The following ERMP1 variants were observed in gnomAD, a reference collection of about 807,000 sequenced individuals.
The protein encoded by ERMP1 is endoplasmic reticulum metallopeptidase 1, also known as Felix-ina.
Under a neutral mutation model 92.0 loss-of-function variants are expected in ERMP1, and 86 were observed. The observed-to-expected ratio is 0.93, with a 90% CI of 0.79 to 1.12. The LOEUF (loss-of-function observed/expected upper bound fraction) is 1.12. Among genes scored for constraint, ERMP1 ranks in the 50% most tolerant of loss-of-function variants. The pLI, the probability that ERMP1 is intolerant of heterozygous loss-of-function variation, is 0.00. For synonymous variants in ERMP1, 530 were observed against 412.8 expected (o/e 1.28, Z -3.44); for missense variants, 1,342 against 1,116.3 (o/e 1.20, Z -2.88).
At chr9:5,808,938 C>T (rs1828976554) in intron 8 of ERMP1, among the ~76,000 whole-genome samples, 2 of 152,090 alleles carry the variant, frequency 1.3e-5, no homozygotes, top group African/African-American at 2.4e-5. Flanking sequence ...AGGGTTTCAC[C>T]ATGTTGCCCA....
Position 5,818,056 on chromosome 9 carries a change from C to G in ERMP1, c.875-5021G>C, listed in dbSNP as rs999673499. Among the ~76,000 whole-genome samples the G allele has an allele frequency of 2.6e-5, 4 of 151,666 alleles. No homozygotes were observed. The South Asian group carries it at 8.3e-4, about 32-fold the overall frequency. On this transcript the variant is annotated intron_variant, in intron 4 of 14. Transcript: ENST00000339450. ...GGTGGATCTATCGATTTTGGTGGAT[C>G]TCGGTATATCAAGGTGGATCACTTG...
At chr9:5,792,980 C>A (rs1462118142) in intron 13 of ERMP1, among the ~76,000 whole-genome samples, 1 of 152,024 alleles carries the variant, frequency 6.6e-6, no homozygotes, top group Non-Finnish European at 1.5e-5. Context: ...CTCATTTTTC[C>A]TATTCTTAAT....
At chr9:5,789,904 G>A (rs1014954) in intron 13 of ERMP1, among the ~76,000 whole-genome samples, 43,475 of 147,446 alleles carry the variant, frequency 0.29, 7,702 homozygotes, top group East Asian at 0.74. Context: ...GGCTGGTCTC[G>A]AGCTCCTGGG....
intron 13 of ERMP1, among the ~76,000 whole-genome samples, chr9:5,789,841 C>T (rs1828100281): frequency 1.5e-5 from 2 of 136,894 alleles, no homozygotes; most frequent in Non-Finnish European, 3.0e-5. Flanking sequence ...ATGCTACAAA[C>T]CTGGCCTTTT....
chr9:5,863,123 G>A (rs981778550), intron 5 of ERMP1, among the ~76,000 whole-genome samples: 2 of 152,174 alleles, frequency 1.3e-5, no homozygotes, highest in African/African-American at 4.8e-5. Context: ...TCTTCATAGG[G>A]AAAGGACAAA....
In ERMP1 at chr9:5,844,629, T is replaced by C. The variant is rs188037058; in HGVS notation, n.3200-11317A>G. Among the ~76,000 whole-genome samples, 751 of 152,294 alleles carry C rather than the reference T, an allele frequency of 4.9e-3. 1 individual carries two copies. Among genetic ancestry groups the C allele is most frequent in the Non-Finnish European group, 6.5e-3 (444 of 68,026 alleles). ...GAGAACTAAAGAGAAACTTCTGCCG[T>C]CACCTTTGCGGAGAACTGTCAAGGA... On this transcript the variant is annotated intron_variant and non_coding_transcript_variant, in intron 6 of 6. Coordinates refer to the ERMP1 transcript ENST00000690753.
At chr9:5,858,643 G>A (rs539866774) in intron 6 of ERMP1, among the ~76,000 whole-genome samples, 2 of 152,220 alleles carry the variant, frequency 1.3e-5, no homozygotes, top group Non-Finnish European at 2.9e-5. Context: ...TCCAAAGAGA[G>A]ACTCAAAAGC....
At chr9:5,825,313 G>T in intron 2 of ERMP1, 94 bp from the exon 3 acceptor site, 2 of 1,220,896 alleles carry the variant, frequency 1.6e-6, no homozygotes, top group Non-Finnish European at 2.3e-6. Context: ...CCTCAGAGAA[G>T]CATCACAATA....
At position 5,811,307 on chromosome 9, in the gene ERMP1, T is replaced by C. The variant is rs1423617591; in HGVS notation, c.1131A>G (p.Ala377=). 6.2e-7 allele frequency: 1 copy of C among 1,608,728 alleles called. No homozygotes were observed. Among genetic ancestry groups the C allele is most frequent in the Non-Finnish European group, 8.5e-7 (1 of 1,178,356 alleles). Residue 377 remains alanine (A), a synonymous_variant, in exon 7 of 15, where the codon GCA becomes GCG. Transcript: ENST00000339450. Reference sequence around the variant, plus strand: ...CAGATGTAGCTAGATGCTTAAGAACTGCTAAAATGTTGTCACCTATTAGTA... The same window carrying C: ...CAGATGTAGCTAGATGCTTAAGAACCGCTAAAATGTTGTCACCTATTAGTA... ...SIQRAGDNIL[A]VLKHLATSDM...
Position 5,832,692 on chromosome 9 carries a change from G to C in ERMP1, c.336C>G (p.Ala112=). 4.1e-6 allele frequency: 6 copies of C among 1,465,000 alleles called. No individual in the cohort carries two copies. Among genetic ancestry groups the C allele is most frequent in the Non-Finnish European group, 4.5e-6 (5 of 1,115,308 alleles). The allele number at this position is 1,465,000 out of a possible 1,614,324, so 90.8% of individuals were successfully genotyped here. ...TGCCAGGAGGGAGCGGCCGGTACCT[G>C]GCTTGGAGCGCGTCGAACTCCCCGC... ...GHRGEFDALQ[A]RDYLEHITSI... Residue 112 remains alanine, a splice_region_variant and synonymous_variant, in exon 1 of 15, where the codon GCC becomes GCG. Transcript: ENST00000339450.
intron 4 of ERMP1, among the ~76,000 whole-genome samples, chr9:5,820,928 T>G (rs2131258194): frequency 6.6e-6 from 1 of 152,270 alleles, no homozygotes; most frequent in East Asian, 1.9e-4. Flanking sequence ...CTGGGAAAGG[T>G]ATCAGAATGT....
chr9:5,833,014 G>C lies in ERMP1; in HGVS notation c.14C>G (p.Ser5Cys). 1.3e-6 allele frequency: 2 copies of C among 1,547,056 alleles called. No individual in the cohort carries two copies. Among genetic ancestry groups the C allele is most frequent in the Non-Finnish European group, 1.7e-6 (2 of 1,157,266 alleles). MEWGSESAAVRRHRV... is the reference protein window; with the variant it reads MEWGCESAAVRRHRV... ...GTGCCGCCTCACAGCAGCCGACTCA[G>C]AACCCCACTCCATGGCCACGAGCCT... is the stretch of plus-strand genomic sequence containing the variant. The change falls in exon 1 of 15, where the codon TCT becomes TGT. Residue 5 changes from serine (S) to cysteine (C), a missense_variant. By Grantham distance (112) the Ser-to-Cys change is moderately radical. Transcript: ENST00000339450.
intron 6 of ERMP1, among the ~76,000 whole-genome samples, chr9:5,838,696 T>G (rs371657855): frequency 2.2e-4 from 33 of 152,172 alleles, no homozygotes; most frequent in African/African-American, 6.3e-4. Flanking sequence ...GTTAAATAAA[T>G]TATAGTACAT....
At chr9:5,831,796 A>G (rs1158672908) in intron 1 of ERMP1, among the ~76,000 whole-genome samples, 1 of 152,132 alleles carries the variant, frequency 6.6e-6, no homozygotes, top group African/African-American at 2.4e-5. Context: ...CCTAGCATAC[A>G]CCCAAGGTCT....
At chr9:5,820,261 T>G (rs1392808673) in intron 4 of ERMP1, among the ~76,000 whole-genome samples, 2 of 152,158 alleles carry the variant, frequency 1.3e-5, no homozygotes. Context: ...ATCGCGTCAC[T>G]GCACTCCACT....
rs1827908021 is a variant in ERMP1, at chr9:5,785,681, C to G, written c.*1463G>C. On this transcript the variant is annotated 3_prime_UTR_variant, in exon 15 of 15. Coordinates refer to ENST00000339450, the MANE Select transcript of ERMP1 (RefSeq NM_024896.3). ...AGGACGTTTTCTCCGGCAATGCATA[C>G]TTACTGTGCTCTTTCTATTCAGACA... is the stretch of plus-strand genomic sequence containing the variant. 6.5e-6 allele frequency: 1 copy of G among 152,792 alleles called. No individual in the cohort carries two copies. Among genetic ancestry groups the G allele is most frequent in the African/African-American group, 2.4e-5 (1 of 41,456 alleles). The allele number at this position is 152,792 out of a possible 1,614,324, so 9.5% of individuals were successfully genotyped here.
In ERMP1 at chr9:5,810,055, T is replaced by C. The variant is rs1829031204; in HGVS notation, c.1504A>G (p.Lys502Glu). 1.2e-6 allele frequency: 2 copies of C among 1,613,700 alleles called. No homozygotes were observed. The highest frequency in any genetic ancestry group is 4.5e-5 in the East Asian group (2 of 44,872). ...GCAAGAGTATGTATAAGTATTATTT[T>C]GGCTACAGTTGCAGTTCCATACAGA... ...VCLYGTATVA[K>E]IILIHTLAKR... is the part of the protein sequence containing the mutation. Residue 502 changes from lysine (K) to glutamate (E), a missense_variant, in exon 8 of 15, where the codon AAA (lysine) becomes GAA (glutamate). Physicochemically the swap from Lys to Glu is moderately conservative, Grantham distance 56. Transcript: ENST00000339450.
chr9:5,810,390 A>C (rs1169313302), intron 7 of ERMP1, among the ~76,000 whole-genome samples, 159 bp from the exon 8 acceptor site: 1 of 152,232 alleles, frequency 6.6e-6, no homozygotes, highest in Non-Finnish European at 1.5e-5. Flanking sequence ...CAAACACAAG[A>C]ACAAGGGAGG....
intron 4 of ERMP1, among the ~76,000 whole-genome samples, chr9:5,823,239 T>C (rs114075756): frequency 8.0e-4 from 122 of 152,122 alleles, no homozygotes; most frequent in African/African-American, 2.8e-3. Context: ...ATGGCACCAG[T>C]GCACTCGAGC....
Sources: allele counts gnomAD v4.1 joint callset (sites outside exome capture counted in the v4.1 genomes callset), GRCh38; gene constraint gnomAD v4.1.1; transcripts MANE v1.5; gene names NCBI Gene and HGNC (gene_info 2026-07-23, HGNC 2026-07-21).